NFIB: variants seen among roughly 807,000 people sequenced by gnomAD.
The protein encoded by NFIB is nuclear factor 1 B-type.
In NFIB, 11 loss-of-function variants were observed where a neutral mutation model predicts 61.5. The observed-to-expected ratio is 0.18, with a 90% confidence interval of 0.11 to 0.30. The LOEUF (loss-of-function observed/expected upper bound fraction) is 0.30. Ranked by LOEUF, NFIB falls within the 10% of genes least tolerant of loss-of-function variation. The pLI, the probability that NFIB is intolerant of heterozygous loss-of-function variation, is 1.00. For missense variants in NFIB, 471 were observed against 608.9 expected, an observed-to-expected ratio of 0.77 and a Z score of 2.38; for synonymous variants, 260 against 216.5, an observed-to-expected ratio of 1.20 and a Z score of -1.76.
intron 1 of NFIB, among the ~76,000 whole-genome samples, chr9:14,366,541 A>G (rs2061302262): frequency 6.6e-6 from 1 of 151,458 alleles, no homozygotes; most frequent in South Asian, 2.1e-4. Flanking sequence ...GCTGGAGTGC[A>G]GTGACATGAT....
chr9:14,418,963 T>C, the NFIB span, among the ~76,000 whole-genome samples: 23 of 152,288 alleles, frequency 1.5e-4, no homozygotes, highest in East Asian at 3.1e-3. Context: ...GGTTAGAGTT[T>C]CTGATCACAG....
chr9:14,415,861 C>T, the NFIB span, among the ~76,000 whole-genome samples: 2 of 152,064 alleles, frequency 1.3e-5, no homozygotes, highest in Non-Finnish European at 2.9e-5. Context: ...ATCTTTGGAC[C>T]TAATGGTTTG....
chr9:14,195,167 A>T (rs1286932545), intron 2 of NFIB, among the ~76,000 whole-genome samples: 1 of 149,410 alleles, frequency 6.7e-6, no homozygotes, highest in Non-Finnish European at 1.5e-5. Context: ...AAAAGAAGTT[A>T]AAAAAAAACA....
chr9:14,472,768 G>A, the NFIB span, among the ~76,000 whole-genome samples: 1 of 152,120 alleles, frequency 6.6e-6, no homozygotes, highest in Non-Finnish European at 1.5e-5. Flanking sequence ...GTGAACCCAG[G>A]AGGTGGAGCT....
chr9:14,250,170 G>A (rs577782874), intron 2 of NFIB, among the ~76,000 whole-genome samples: 50 of 152,306 alleles, frequency 3.3e-4, no homozygotes, highest in African/African-American at 1.2e-3. Flanking sequence ...GGTCTTTTGA[G>A]TTTATGGCCT....
Position 14,307,128 on chromosome 9 carries a change from G to A in NFIB, c.423C>T (p.Ile141=). ...GCTCTCCATCGGTACTTTCCAAGGG[G>A]ATGCCTTTGAACAGGATCACCATGA... is the stretch of plus-strand genomic sequence containing the variant. The part of the protein sequence containing the change: ...DLVMVILFKG[I]PLESTDGERL... The change falls in exon 2 of 11, where the codon ATC becomes ATT. Residue 141 remains isoleucine, a synonymous_variant. Transcript: ENST00000380953. This position sits in a 1 kb window ranked among gnomAD's most constrained non-coding sequence, Gnocchi z 5.3. The A allele has an allele frequency of 6.2e-7, 1 of 1,614,126 alleles. No homozygotes were observed. Among genetic ancestry groups the A allele is most frequent in the African/African-American group, 1.3e-5 (1 of 75,030 alleles).
chr9:14,180,786 T>C (rs921013357), intron 2 of NFIB: 1 of 152,244 alleles, frequency 6.6e-6, no homozygotes, highest in African/African-American at 2.4e-5. Context: ...CTCAGTGTGC[T>C]GTTCATGGCT....
chr9:14,504,838 G>C, the NFIB span, among the ~76,000 whole-genome samples: 1 of 152,114 alleles, frequency 6.6e-6, no homozygotes, highest in Non-Finnish European at 1.5e-5. Context: ...TCCTTTGTCT[G>C]ATTGCTTTGG....
intron 2 of NFIB, among the ~76,000 whole-genome samples, chr9:14,268,494 C>G (rs1436636040): frequency 1.3e-5 from 2 of 152,164 alleles, no homozygotes; most frequent in African/African-American, 4.8e-5. Flanking sequence ...TCCCCAATGA[C>G]TTACCTTTTC....
rs182390180 is a variant in NFIB at position 14,158,915 on chromosome 9, G to A, written c.617-3022C>T. ...CCCAAAAATATTTGTGAAACACATCGATGAATAAGTGATGAACATTTCAAT... is the reference window on the plus strand; with the variant it reads ...CCCAAAAATATTTGTGAAACACATCAATGAATAAGTGATGAACATTTCAAT... On this transcript the variant is annotated intron_variant, in intron 3 of 10. Coordinates refer to ENST00000380953, the MANE Select transcript of NFIB (RefSeq NM_001190737.2). Among the ~76,000 whole-genome samples the A allele has an allele frequency of 9.6e-4, 146 of 152,262 alleles. 2 individuals carry two copies. The highest frequency in any genetic ancestry group is 9.6e-4 in the East Asian group (5 of 5,184).
chr9:14,210,898 C>T (rs12238011), intron 2 of NFIB, among the ~76,000 whole-genome samples: 10,241 of 152,184 alleles, frequency 0.067, 469 homozygotes, highest in East Asian at 0.14. Context: ...CTCTTGTACA[C>T]TGTGGATTTT....
At chr9:14,292,221 C>G (rs940126869) in intron 2 of NFIB, among the ~76,000 whole-genome samples, 4 of 152,096 alleles carry the variant, frequency 2.6e-5, no homozygotes, top group African/African-American at 7.2e-5. Flanking sequence ...TCCAAAGAAG[C>G]ACTGGGCCTC....
In NFIB at chr9:14,084,024, TACAAC is replaced by T; in HGVS notation, c.*4280_*4284del. 2 of 214,008 alleles carry T rather than the reference TACAAC, an allele frequency of 9.3e-6. No homozygotes were observed. The highest frequency in any genetic ancestry group is 1.9e-5 in the Non-Finnish European group (2 of 105,740). 13.3% of individuals were successfully genotyped at this position (214,008 alleles called of 1,614,324 possible). On this transcript the variant is annotated 3_prime_UTR_variant, in exon 11 of 11. Coordinates refer to ENST00000380953, the MANE Select transcript of NFIB (RefSeq NM_001190737.2). ...GGAAACCAACTTTTCCAATACTAAA[TACAAC>T]AAAATAACCTTCATAAAATATAACT...
chr9:14,486,492 C>T, the NFIB span, among the ~76,000 whole-genome samples: 1 of 152,168 alleles, frequency 6.6e-6, no homozygotes, highest in African/African-American at 2.4e-5. Flanking sequence ...TGCCTAGGGA[C>T]TGAGCAAAAT....
At chr9:14,146,214 C>T (rs2042261474) in intron 6 of NFIB, among the ~76,000 whole-genome samples, 1 of 152,130 alleles carries the variant, frequency 6.6e-6, no homozygotes, top group Non-Finnish European at 1.5e-5. Flanking sequence ...CACAAAGTAT[C>T]TTACATTACA....
intron 2 of NFIB, among the ~76,000 whole-genome samples, chr9:14,302,927 T>C (rs1189796451): frequency 6.6e-6 from 1 of 152,182 alleles, no homozygotes; most frequent in Admixed American, 6.5e-5. Context: ...ACGCTAACTA[T>C]CTAGGAAACT....
intron 2 of NFIB, among the ~76,000 whole-genome samples, chr9:14,187,043 G>GTGTGTGTGTGTGTGTATA (rs2047438770): frequency 7.0e-6 from 1 of 141,920 alleles, no homozygotes; most frequent in East Asian, 2.0e-4. Flanking sequence ...GTGTGTGTGT[G>GTGTGTGTGTGTGTGTATA]TGTGTGTGTG....
At chr9:14,260,111 A>G (rs1423342148) in intron 2 of NFIB, among the ~76,000 whole-genome samples, 1 of 152,188 alleles carries the variant, frequency 6.6e-6, no homozygotes, top group African/African-American at 2.4e-5. Context: ...AGAACCTACA[A>G]GACACTGGGG....
rs1361269860 is a variant in NFIB, at chr9:14,150,200, G to C, written c.751C>G (p.His251Asp). 1 of 1,613,564 alleles carries C rather than the reference G, an allele frequency of 6.2e-7. No homozygotes were observed. Among genetic ancestry groups the C allele is most frequent in the Non-Finnish European group, 8.5e-7 (1 of 1,179,604 alleles). ...IGEIPSQPYYHDMNSGVNLQR... is the reference protein window; with the variant it reads ...IGEIPSQPYYDDMNSGVNLQR... ...AGATTGACCCCCGAGTTCATGTCAT[G>C]ATAGTATGGTTGGCTTGGGATTTCT... The change falls in exon 5 of 11, where the codon CAT becomes GAT. Residue 251 changes from histidine (H) to aspartate (D), a missense_variant. Around this residue, in one of 2 missense-constraint regions of NFIB, gnomAD observed 372 missense variants for 395.6 expected, o/e 0.94. Coordinates refer to ENST00000380953, the MANE Select transcript of NFIB (RefSeq NM_001190737.2).
Sources: allele counts gnomAD v4.1 joint callset (sites outside exome capture counted in the v4.1 genomes callset), GRCh38; gene constraint gnomAD v4.1.1; regional missense constraint gnomAD v4.1.1; non-coding constraint Gnocchi (gnomAD v3.1); transcripts MANE v1.5; gene names NCBI Gene and HGNC (gene_info 2026-07-23, HGNC 2026-07-21).